CDH19: variants seen among roughly 807,000 people sequenced by gnomAD.
The protein encoded by CDH19 is cadherin-19.
CDH19 carries 67 observed loss-of-function variants against 64.2 expected under a neutral mutation model. The ratio of observed to expected loss-of-function variants is 1.04; its 90% CI spans 0.86 to 1.28. The LOEUF is 1.28. Ranked by LOEUF, CDH19 falls within the 50% of genes most tolerant of loss-of-function variation. The pLI is 0.00. For missense variants in CDH19, 1,030 were observed against 929.0 expected (o/e 1.11, Z -1.41); for synonymous variants, 346 against 319.3 (o/e 1.08, Z -0.89).
rs1984941216 is a variant in CDH19, at chr18:66,501,559, G to C, written c.*3253C>G. On this transcript the variant is annotated 3_prime_UTR_variant, in exon 12 of 12. Transcript: ENST00000262150. ...CATGGCCTATGGGGAAGGTGAGGAA[G>C]TTGACTTTTATTTTCAATGTGCCGT... The C allele has an allele frequency of 6.6e-6, 1 of 152,166 alleles. No individual in the cohort carries two copies. Among genetic ancestry groups the C allele is most frequent in the African/African-American group, 2.4e-5 (1 of 41,440 alleles). 9.4% of individuals were successfully genotyped at this position (152,166 alleles called of 1,614,324 possible). A position where few individuals can be genotyped will look rare whatever the true frequency, so the allele number is the denominator to read the frequency against.
chr18:66,521,825 A>G (rs1477286152), intron 9 of CDH19, among the ~76,000 whole-genome samples: 1 of 152,058 alleles, frequency 6.6e-6, no homozygotes, highest in Non-Finnish European at 1.5e-5. Flanking sequence ...CTGGGATAAC[A>G]GGTGTCAGCC....
intron 9 of CDH19, among the ~76,000 whole-genome samples, chr18:66,518,699 C>T (rs1985847025): frequency 6.6e-6 from 1 of 152,052 alleles, no homozygotes; most frequent in Non-Finnish European, 1.5e-5. Flanking sequence ...GTTTAAATAA[C>T]ATGAAAATTA....
chr18:66,525,726 T>C (rs956760613), intron 9 of CDH19, among the ~76,000 whole-genome samples: 5 of 152,150 alleles, frequency 3.3e-5, no homozygotes, highest in African/African-American at 1.2e-4. Flanking sequence ...ATTTGTAAAC[T>C]ATCATGTATA....
Position 66,572,092 on chromosome 18 carries a change from T to C in CDH19, c.113A>G (p.His38Arg), listed in dbSNP as rs1349340408. 6.3e-7 allele frequency: 1 copy of C among 1,598,486 alleles called. No individual in the cohort carries two copies. ...CACCCAGCCACGCTTCACTCTCAAATGAGATCGCACTGGCTGCTTGACTTT... is the reference window on the plus strand; with the variant it reads ...CACCCAGCCACGCTTCACTCTCAAACGAGATCGCACTGGCTGCTTGACTTT... ...TKKVKQPVRSHLRVKRGWVWN... is the reference protein window; with the variant it reads ...TKKVKQPVRSRLRVKRGWVWN... Residue 38 changes from histidine to arginine, a missense_variant, in exon 2 of 12, where the codon CAT becomes CGT. Physicochemically the swap from His to Arg is conservative, Grantham distance 29. Coordinates refer to ENST00000262150, the MANE Select transcript of CDH19 (RefSeq NM_021153.4).
intron 9 of CDH19, among the ~76,000 whole-genome samples, chr18:66,518,306 T>C (rs1985827481): frequency 6.6e-6 from 1 of 152,124 alleles, no homozygotes; most frequent in African/African-American, 2.4e-5. Context: ...CGATCTCGGC[T>C]CACTACAACC....
In CDH19 at chr18:66,501,825, TA is replaced by T. The variant is rs1266049661; in HGVS notation, c.*2986del. Reference sequence around the variant, plus strand: ...TGGAAAGATTAAGCAGTTTAACAAATATTATATGTTCGCTTAATTGAAAGTA... The same window carrying T: ...TGGAAAGATTAAGCAGTTTAACAAATTTATATGTTCGCTTAATTGAAAGTA... On this transcript the variant is annotated 3_prime_UTR_variant, in exon 12 of 12. Transcript: ENST00000262150. The T allele has an allele frequency of 1.3e-5, 2 of 152,090 alleles. No individual in the cohort carries two copies. The highest frequency in any genetic ancestry group is 2.9e-5 in the Non-Finnish European group (2 of 68,010). The allele number at this position is 152,090 out of a possible 1,614,324, so 9.4% of individuals were successfully genotyped here.
chr18:66,555,754 C>T (rs1161822882), intron 3 of CDH19, among the ~76,000 whole-genome samples: 1 of 151,712 alleles, frequency 6.6e-6, no homozygotes, highest in Non-Finnish European at 1.5e-5. Flanking sequence ...AAATAGTTAA[C>T]AGGGACCATC....
chr18:66,549,554 G>A (rs1009914246), intron 5 of CDH19, among the ~76,000 whole-genome samples: 4 of 152,064 alleles, frequency 2.6e-5, no homozygotes, highest in African/African-American at 7.2e-5. Context: ...AGAGAGAGAC[G>A]AAGGTGCAGA....
At chr18:66,508,557 T>G (rs1291691018) in intron 11 of CDH19, among the ~76,000 whole-genome samples, 1 of 151,856 alleles carries the variant, frequency 6.6e-6, no homozygotes, top group Non-Finnish European at 1.5e-5. Flanking sequence ...ATCTGGAAAA[T>G]GTAGGTGATA....
intron 1 of CDH19, among the ~76,000 whole-genome samples, chr18:66,588,093 C>T (rs957906787): frequency 2.0e-5 from 3 of 149,772 alleles, no homozygotes; most frequent in African/African-American, 7.6e-5. Flanking sequence ...CTGCACATTC[C>T]CCCCATGTCT....
chr18:66,585,955 G>A (rs998414530), intron 1 of CDH19, among the ~76,000 whole-genome samples: 5 of 152,078 alleles, frequency 3.3e-5, no homozygotes, highest in Admixed American at 6.6e-5. Context: ...GACTAATTAC[G>A]ACTTAAGGGA....
intron 3 of CDH19, among the ~76,000 whole-genome samples, chr18:66,558,713 T>C (rs887092370): frequency 6.6e-6 from 1 of 152,084 alleles, no homozygotes; most frequent in African/African-American, 2.4e-5. Flanking sequence ...AATATTACTA[T>C]GAAACCAATA....
At chr18:66,523,073 G>A (rs201922299) in intron 9 of CDH19, among the ~76,000 whole-genome samples, 2 of 152,054 alleles carry the variant, frequency 1.3e-5, no homozygotes, top group East Asian at 1.9e-4. Context: ...AAGAGAAAGC[G>A]TAGGAATTAA....
At chr18:66,573,155 G>T (rs1988159155) in intron 1 of CDH19, among the ~76,000 whole-genome samples, 1 of 151,508 alleles carries the variant, frequency 6.6e-6, no homozygotes, top group South Asian at 2.1e-4. Context: ...TAACTTAATA[G>T]TTTTGCATTT....
Position 66,572,072 on chromosome 18 carries a change from A to AAAAAAATGAGT in CDH19, c.132_133insACTCATTTTTT (p.Trp45ThrfsTer16). 1 of 1,611,580 alleles carries AAAAAAATGAGT rather than the reference A, an allele frequency of 6.2e-7. No individual in the cohort carries two copies. On this transcript the variant is annotated frameshift_variant, in exon 2 of 12. Coordinates refer to ENST00000262150, the MANE Select transcript of CDH19 (RefSeq NM_021153.4). LOFTEE classifies it high-confidence loss of function. ...GGTACAAAAAATTGGTTCCACACCC[A>AAAAAAATGAGT]GCCACGCTTCACTCTCAAATGAGAT...
chr18:66,524,827 T>A (rs1201301735), intron 9 of CDH19, among the ~76,000 whole-genome samples: 1 of 152,034 alleles, frequency 6.6e-6, no homozygotes, highest in Non-Finnish European at 1.5e-5. Context: ...GCCCCAATTT[T>A]ATTTTTAGCA....
In CDH19 at chr18:66,575,374, A is replaced by C. The variant is rs77328374; in HGVS notation, c.-112-3058T>G. Among the ~76,000 whole-genome samples the C allele has an allele frequency of 1.6e-4, 24 of 151,890 alleles. No individual in the cohort carries two copies. The East Asian group carries it at 4.7e-3, about 29-fold the overall frequency. On this transcript the variant is annotated intron_variant, in intron 1 of 11. Coordinates refer to ENST00000262150, the MANE Select transcript of CDH19 (RefSeq NM_021153.4). ...AGACCTCTGCCCAAGGCCACAGATA[A>C]AGCCCTCTTTACACTTTAACACTGG...
At chr18:66,580,540 T>G (rs1215314773) in intron 1 of CDH19, among the ~76,000 whole-genome samples, 1 of 152,074 alleles carries the variant, frequency 6.6e-6, no homozygotes, top group African/African-American at 2.4e-5. Context: ...AAGTGAAATT[T>G]GTCTAAAAGT....
chr18:66,509,017 G>C lies in CDH19; in HGVS notation c.1806C>G (p.Leu602=), dbSNP rs559793081. ...GFKTEVIIAI[L]ICIMIIFGFI... is the part of the protein sequence containing the mutation. The stretch of plus-strand genomic sequence containing the variant: ...TACCAAATATGATCATAATGCAAAT[G>C]AGAATAGCAATGATGACTTCTGTCT... The change falls in exon 11 of 12, where the codon CTC becomes CTG. Residue 602 remains leucine, a synonymous_variant. Coordinates refer to ENST00000262150, the MANE Select transcript of CDH19 (RefSeq NM_021153.4). 1.2e-6 allele frequency: 2 copies of C among 1,609,862 alleles called. No homozygotes were observed. Among genetic ancestry groups the C allele is most frequent in the African/African-American group, 1.3e-5 (1 of 74,878 alleles).
Sources: allele counts gnomAD v4.1 joint callset (sites outside exome capture counted in the v4.1 genomes callset), GRCh38; gene constraint gnomAD v4.1.1; transcripts MANE v1.5; gene names NCBI Gene and HGNC (gene_info 2026-07-23, HGNC 2026-07-21).